Variants in ABCC9 observed in about 807,000 individuals in gnomAD.
ABCC9 encodes the protein ATP binding cassette subfamily C member 9.
Under a neutral mutation model 188.3 loss-of-function variants are expected in ABCC9, and 95 were observed. That is an observed-to-expected ratio of 0.50 (90% CI 0.43 to 0.60). ABCC9 has a LOEUF of 0.60. ABCC9 is among the 20% of genes least tolerant of loss of function. The pLI, the probability that ABCC9 is intolerant of heterozygous loss-of-function variation, is 0.00. For missense variants in ABCC9, 1,102 were observed against 1,876.3 expected, an observed-to-expected ratio of 0.59 and a Z score of 7.62; for synonymous variants, 659 against 652.7, an observed-to-expected ratio of 1.01 and a Z score of -0.15.
intron 4 of ABCC9, among the ~76,000 whole-genome samples, chr12:21,931,958 C>T (rs1395901663): frequency 1.3e-5 from 2 of 152,060 alleles, no homozygotes; most frequent in African/African-American, 4.8e-5. Flanking sequence ...ATAGTTGGTT[C>T]CATGACAAAT....
At chr12:21,910,795 G>A (rs1948288240) in intron 9 of ABCC9, 31 bp downstream of exon 9, 1 of 1,588,432 alleles carries the variant, frequency 6.3e-7, no homozygotes, top group South Asian at 1.1e-5. Context: ...GCATTCTTAG[G>A]AAACAAATAG....
intron 4 of ABCC9, among the ~76,000 whole-genome samples, chr12:21,926,717 A>G (rs902742470): frequency 6.6e-6 from 1 of 152,230 alleles, no homozygotes; most frequent in Non-Finnish European, 1.5e-5. Flanking sequence ...AGGAATGGCT[A>G]CTCAGAGGAA....
Position 21,852,428 on chromosome 12 carries a change from A to T in ABCC9, c.2583T>A (p.Asp861Glu), listed in dbSNP as rs1565740446. ...TCACAAGAACGAGTGTCCTTTTGTC[A>T]TCTTGCAGGAATTTCAAAATCCCCT... ...MQEGILKFLQ[D>E]DKRTLVLVTH... The change falls in exon 23 of 40, where the codon GAT becomes GAA. Residue 861 changes from aspartate to glutamate, a missense_variant. Around this residue, in one of 12 missense-constraint regions of ABCC9, gnomAD observed 131 missense variants for 170.2 expected, o/e 0.77. Coordinates refer to ENST00000261200, the MANE Select transcript of ABCC9 (RefSeq NM_020297.4). 6.2e-7 allele frequency: 1 copy of T among 1,613,900 alleles called. No individual in the cohort carries two copies.
At chr12:21,915,514 A>ATATATATTTTT in intron 7 of ABCC9, among the ~76,000 whole-genome samples, 154 bp downstream of exon 7, 1 of 3,522 alleles carries the variant, frequency 2.8e-4, no homozygotes, top group Non-Finnish European at 4.7e-4. Flanking sequence ...ATATATATAT[A>ATATATATTTTT]TTTTTTTTTT....
chr12:21,824,291 G>A (rs952927524), intron 31 of ABCC9, among the ~76,000 whole-genome samples: 6 of 152,092 alleles, frequency 3.9e-5, no homozygotes, highest in Non-Finnish European at 8.8e-5. Context: ...GATGGATTAC[G>A]TTTATTGATT....
intron 16 of ABCC9, among the ~76,000 whole-genome samples, chr12:21,879,636 TA>T (rs1354677875): frequency 1.3e-5 from 2 of 151,918 alleles, no homozygotes; most frequent in Non-Finnish European, 2.9e-5. Context: ...TTTTTTTTTT[TA>T]AATTTAAAGG....
chr12:21,838,264 A>G (rs1375668043), intron 29 of ABCC9, 94 bp from the exon 30 acceptor site: 23 of 993,318 alleles, frequency 2.3e-5, no homozygotes, highest in African/African-American at 1.6e-4. Context: ...TTGTCACTGT[A>G]TTTGTTTTCC....
intron 35 of ABCC9, among the ~76,000 whole-genome samples, chr12:21,812,940 TTC>T (rs1184735128): frequency 6.6e-6 from 1 of 152,196 alleles, no homozygotes; most frequent in East Asian, 1.9e-4. Flanking sequence ...AGAGTTTTTA[TTC>T]TGTTTATGTG....
rs758962407 is a variant in ABCC9, at chr12:21,910,165, G to T, written c.1312C>A (p.Pro438Thr). ...LFLCPNLWAMPVQIIMGVILL... is the reference protein window; with the variant it reads ...LFLCPNLWAMTVQIIMGVILL... ...TATATTTATCTACCTACCTGAACAG[G>T]CATAGCCCATAGATTGGGACACAGG... is the stretch of plus-strand genomic sequence containing the variant. The change falls in exon 10 of 40, where the codon CCT becomes ACT. Residue 438 changes from proline (P) to threonine (T), a missense_variant. Around this residue, in one of 12 missense-constraint regions of ABCC9, gnomAD observed 305 missense variants for 573.0 expected, o/e 0.53. Coordinates refer to ENST00000261200, the MANE Select transcript of ABCC9 (RefSeq NM_020297.4). 6.2e-7 allele frequency: 1 copy of T among 1,609,716 alleles called. No individual in the cohort carries two copies. The highest frequency in any genetic ancestry group is 1.1e-5 in the South Asian group (1 of 90,952).
chr12:21,927,770 A>G (rs373737549), intron 4 of ABCC9, among the ~76,000 whole-genome samples: 12 of 152,236 alleles, frequency 7.9e-5, no homozygotes, highest in African/African-American at 2.9e-4. Flanking sequence ...ATTAATATAG[A>G]CATGGTAATA....
chr12:21,901,614 A>G (rs1276053273), intron 12 of ABCC9, among the ~76,000 whole-genome samples: 1 of 152,218 alleles, frequency 6.6e-6, no homozygotes, highest in African/African-American at 2.4e-5. Context: ...AGGAAGATCT[A>G]CCAAGCAAAT....
At chr12:21,902,061 A>G (rs1947783949) in intron 12 of ABCC9, among the ~76,000 whole-genome samples, 1 of 152,248 alleles carries the variant, frequency 6.6e-6, no homozygotes, top group Non-Finnish European at 1.5e-5. Flanking sequence ...AGCACTCCTC[A>G]GCAAATGTAA....
Position 21,844,825 on chromosome 12 carries a change from T to A in ABCC9, c.3187A>T (p.Thr1063Ser). Reference protein sequence around the residue: ...TSLTVEWMGLTAAKNLHHNLL... With the variant: ...TSLTVEWMGLSAAKNLHHNLL... ...TTGTGGTGAAGATTTTTGGCAGCTGTGAGACCCATCCATTCTACAGTGAGG... is the reference window on the plus strand; with the variant it reads ...TTGTGGTGAAGATTTTTGGCAGCTGAGAGACCCATCCATTCTACAGTGAGG... The change falls in exon 27 of 40, where the codon ACA (threonine) becomes TCA (serine). Residue 1063 changes from threonine to serine, a missense_variant. By Grantham distance (58) the Thr-to-Ser change is moderately conservative. This residue lies in a region of ABCC9 where 74 missense variants were observed against 132.7 expected (regional missense o/e 0.56). Transcript: ENST00000261200. 1 of 1,613,962 alleles carries A rather than the reference T, an allele frequency of 6.2e-7. No individual in the cohort carries two copies. The highest frequency in any genetic ancestry group is 1.1e-5 in the South Asian group (1 of 91,078).
At chr12:21,887,524 A>C (rs1946939872) in intron 15 of ABCC9, among the ~76,000 whole-genome samples, 1 of 152,220 alleles carries the variant, frequency 6.6e-6, no homozygotes, top group Non-Finnish European at 1.5e-5. Flanking sequence ...AAAATGGTGC[A>C]TGAGTAAGCT....
At chr12:21,808,303 C>G (rs1941996096) in intron 37 of ABCC9, among the ~76,000 whole-genome samples, 1 of 152,052 alleles carries the variant, frequency 6.6e-6, no homozygotes, top group Admixed American at 6.6e-5. Context: ...CCAAAGCTGG[C>G]CTGAACCAAA....
chr12:21,842,805 T>C (rs975717871), intron 28 of ABCC9, among the ~76,000 whole-genome samples: 1 of 152,174 alleles, frequency 6.6e-6, no homozygotes, highest in Non-Finnish European at 1.5e-5. Context: ...TACAAATCTA[T>C]TTCTTTTTAA....
chr12:21,926,547 C>T (rs751043911), intron 4 of ABCC9, among the ~76,000 whole-genome samples: 3 of 152,068 alleles, frequency 2.0e-5, no homozygotes, highest in Non-Finnish European at 4.4e-5. Context: ...GAAAACAAGA[C>T]GTAACATCTG....
intron 18 of ABCC9, among the ~76,000 whole-genome samples, chr12:21,868,176 C>T (rs1039707486): frequency 3.3e-5 from 5 of 152,264 alleles, no homozygotes; most frequent in Non-Finnish European, 7.4e-5. Flanking sequence ...GGAAGCAATT[C>T]CCAAGGAAAC....
rs1565670437 is a variant in ABCC9 at position 21,797,990 on chromosome 12, CTT to C, written c.*3052_*3053del. On this transcript the variant is annotated 3_prime_UTR_variant, in exon 40 of 40. Coordinates refer to ENST00000261200, the MANE Select transcript of ABCC9 (RefSeq NM_020297.4). ...AGTCAAATATTATTTCAAGGTGAAT[CTT>C]TTTATATTCAATAGATTATATGTAT... is the stretch of plus-strand genomic sequence containing the variant. The C allele has an allele frequency of 3.3e-5, 5 of 152,032 alleles. No homozygotes were observed. The allele number at this position is 152,032 out of a possible 1,614,324, so 9.4% of individuals were successfully genotyped here. A position where few individuals can be genotyped will look rare whatever the true frequency, so the allele number is the denominator to read the frequency against.
Sources: allele counts gnomAD v4.1 joint callset (sites outside exome capture counted in the v4.1 genomes callset), GRCh38; gene constraint gnomAD v4.1.1; regional missense constraint gnomAD v4.1.1; transcripts MANE v1.5; gene names NCBI Gene and HGNC (gene_info 2026-07-23, HGNC 2026-07-21).